Variants in ZFYVE26 observed in about 807,000 individuals in gnomAD.
ZFYVE26 encodes zinc finger FYVE-type containing 26.
Under a neutral mutation model 276.5 loss-of-function variants are expected in ZFYVE26, and 181 were observed. The ratio of observed to expected loss-of-function variants is 0.65; its 90% confidence interval spans 0.58 to 0.74. ZFYVE26 has a LOEUF of 0.74. Among genes scored for constraint, ZFYVE26 ranks in the 30% least tolerant of loss-of-function variants. ZFYVE26 has a pLI of 0.00. For missense variants in ZFYVE26, 2,821 were observed against 3,097.9 expected, an observed-to-expected ratio of 0.91 and a Z score of 2.12; for synonymous variants, 1,129 against 1,203.1, an observed-to-expected ratio of 0.94 and a Z score of 1.27.
rs116802390 is a variant in ZFYVE26, at chr14:67,729,338, C to G, written n.3161G>C. ...GGGGCGCAGACCAGCCTGCACTGCG[C>G]CCTGGCTGAGGGCCTGGAGCCCCTG... is the stretch of plus-strand genomic sequence containing the variant. On this transcript the variant is annotated non_coding_transcript_exon_variant, in exon 14 of 15. Transcript: ENST00000394455. The G allele has an allele frequency of 3.1e-5, 49 of 1,598,444 alleles. No homozygotes were observed. In the East Asian group the frequency reaches 1.0e-3, roughly 34 times the overall value.
intron 17 of ZFYVE26, 40 bp downstream of exon 17, chr14:67,786,074 T>C: frequency 6.2e-7 from 1 of 1,614,188 alleles, no homozygotes; most frequent in Non-Finnish European, 8.5e-7. Context: ...TGACCTAATG[T>C]TCCAAGTCCA....
rs759045113 is a variant in ZFYVE26, at chr14:67,798,643, G to C, written c.1640-21C>G. On this transcript the variant is annotated intron_variant, in intron 10 of 41. Coordinates refer to ENST00000347230, the MANE Select transcript of ZFYVE26 (RefSeq NM_015346.4). ...AGCACCTACAAAAACATGTACAAGA[G>C]AAGAGGCCAGAGAAAGAGAAGACAG... 3.1e-6 allele frequency: 5 copies of C among 1,613,406 alleles called. No individual in the cohort carries two copies. The East Asian group carries it at 1.1e-4, about 36-fold the overall frequency.
chr14:67,776,425 C>T (rs2039345690), intron 25 of ZFYVE26, among the ~76,000 whole-genome samples: 1 of 152,218 alleles, frequency 6.6e-6, no homozygotes, highest in Admixed American at 6.5e-5. Context: ...ACCTTGAAAG[C>T]AGCCATAGGT....
At chr14:67,763,929 G>A (rs1314317090) in intron 32 of ZFYVE26, among the ~76,000 whole-genome samples, 1 of 152,078 alleles carries the variant, frequency 6.6e-6, no homozygotes. Flanking sequence ...AGTATCAATG[G>A]CCTGTATTCC....
In ZFYVE26 at chr14:67,747,932, T is replaced by C. The variant is rs763229903; in HGVS notation, c.*504A>G. 1.3e-4 allele frequency: 21 copies of C among 160,384 alleles called. No individual in the cohort carries two copies. The highest frequency in any genetic ancestry group is 2.9e-4 in the Non-Finnish European group (21 of 72,590). The allele number at this position is 160,384 out of a possible 1,614,324, so 9.9% of individuals were successfully genotyped here. A position where few individuals can be genotyped will look rare whatever the true frequency, so the allele number is the denominator to read the frequency against. On this transcript the variant is annotated 3_prime_UTR_variant, in exon 42 of 42. Transcript: ENST00000347230. ...GAAGGAAGGAAAAGAGGCAATCCTTTTGGTGTTGCTCTAATTCTCTGTAAA... is the reference window on the plus strand; with the variant it reads ...GAAGGAAGGAAAAGAGGCAATCCTTCTGGTGTTGCTCTAATTCTCTGTAAA...
rs780878664 is a variant in ZFYVE26, at chr14:67,748,641, TG to T, written c.7417-3del. 3 of 1,613,830 alleles carry T rather than the reference TG, an allele frequency of 1.9e-6. No homozygotes were observed. ...GCAACATATCAGGTAGGCCCGAACC[TG>T]GCAGTCAGTTATAAGAGACAGCGGA... On this transcript the variant is annotated splice_region_variant and splice_polypyrimidine_tract_variant and intron_variant, in intron 41 of 41. Coordinates refer to ENST00000347230, the MANE Select transcript of ZFYVE26 (RefSeq NM_015346.4).
intron 13 of ZFYVE26, among the ~76,000 whole-genome samples, chr14:67,741,354 T>C (rs148235221): frequency 1.3e-5 from 2 of 152,312 alleles, no homozygotes; most frequent in Non-Finnish European, 2.9e-5. Context: ...ATAAGGCTTT[T>C]AAAGTGGCTG....
chr14:67,812,755 A>G (rs924825985), intron 3 of ZFYVE26, among the ~76,000 whole-genome samples: 3 of 152,232 alleles, frequency 2.0e-5, no homozygotes, highest in Admixed American at 6.5e-5. Flanking sequence ...GTCTCTACTG[A>G]GGGGAAAGTT....
intron 26 of ZFYVE26, 149 bp from the exon 27 acceptor site, chr14:67,775,263 T>A: frequency 1.7e-6 from 1 of 586,492 alleles, no homozygotes. Flanking sequence ...GAGGTACCTC[T>A]AAGCCCATAG....
In ZFYVE26 at chr14:67,754,188, C is replaced by A; in HGVS notation, c.7011G>T (p.Gln2337His). The change falls in exon 38 of 42, where the codon CAG (glutamine) becomes CAT (histidine). Residue 2337 changes from glutamine to histidine, a missense_variant. By Grantham distance (24) the Gln-to-His change is conservative (BLOSUM62 0). Transcript: ENST00000347230. Reference sequence around the variant, plus strand: ...GATGCAAGAACCTGGTCACTTCCATCTGCAGCTGAAGTGTGTTCATGTGCC... The same window carrying A: ...GATGCAAGAACCTGGTCACTTCCATATGCAGCTGAAGTGTGTTCATGTGCC... ...VSRHMNTLQL[Q>H]MEVTRFLHRC... The A allele has an allele frequency of 2.5e-6, 4 of 1,614,274 alleles. No individual in the cohort carries two copies. Among genetic ancestry groups the A allele is most frequent in the Non-Finnish European group, 3.4e-6 (4 of 1,180,056 alleles).
Position 67,798,263 on chromosome 14 carries a change from C to G in ZFYVE26, c.1999G>C (p.Asp667His). 6.2e-7 allele frequency: 1 copy of G among 1,614,150 alleles called. No individual in the cohort carries two copies. The highest frequency in any genetic ancestry group is 8.5e-7 in the Non-Finnish European group (1 of 1,180,032). ...ATACCACTAGTAAAGTGTTTTAAGT[C>G]CAAAAAGCTGTGCCTATGAGGCCCT... is the stretch of plus-strand genomic sequence containing the variant. ...YPGPHRHSFLDLKHFTSGISG... is the reference protein window; with the variant it reads ...YPGPHRHSFLHLKHFTSGISG... Residue 667 changes from aspartate (D) to histidine (H), a missense_variant, in exon 11 of 42, where the codon GAC (aspartate) becomes CAC (histidine). By Grantham distance (81) the Asp-to-His change is moderately conservative. Transcript: ENST00000347230.
intron 4 of ZFYVE26, among the ~76,000 whole-genome samples, chr14:67,808,139 T>C (rs1442522655): frequency 6.6e-6 from 1 of 152,216 alleles, no homozygotes; most frequent in Non-Finnish European, 1.5e-5. Flanking sequence ...ACACTACTAT[T>C]ACTCCTATTT....
intron 36 of ZFYVE26, 126 bp from the exon 37 acceptor site, chr14:67,755,376 CT>C: frequency 9.0e-7 from 1 of 1,107,378 alleles, no homozygotes; most frequent in Non-Finnish European, 1.3e-6. Flanking sequence ...CCACCACCAG[CT>C]GAACTGCTAT....
In ZFYVE26 at chr14:67,755,771, G is replaced by C. The variant is rs79732557; in HGVS notation, c.6786+177C>G. On this transcript the variant is annotated intron_variant, in intron 36 of 41. Transcript: ENST00000347230. Reference sequence around the variant, plus strand: ...GGATTAAAGTCTGCCCCCAAACTTAGGATGGAAATCCTAATATTATTTAAC... The same window carrying C: ...GGATTAAAGTCTGCCCCCAAACTTACGATGGAAATCCTAATATTATTTAAC... Among the ~76,000 whole-genome samples, 593 of 152,206 alleles carry C rather than the reference G, an allele frequency of 3.9e-3. 12 individuals carry two copies. The highest frequency in any genetic ancestry group is 0.035 in the East Asian group (184 of 5,186).
rs537848321 is a variant in ZFYVE26, at chr14:67,811,326, T to C, written c.274-2037A>G. On this transcript the variant is annotated intron_variant, in intron 3 of 41. Transcript: ENST00000347230. ...TATCTTCCTAAAATAGGCAAGAATT[T>C]GCTCAGCATTTCTAAGCAAGGATGT... 2.0e-5 allele frequency among the ~76,000 whole-genome samples: 3 copies of C among 152,340 alleles called. No homozygotes were observed. The South Asian group carries it at 6.2e-4, about 32-fold the overall frequency.
intron 13 of ZFYVE26, chr14:67,735,106 C>A (rs2038336346): frequency 3.9e-6 from 3 of 773,572 alleles, no homozygotes; most frequent in African/African-American, 1.7e-5. Flanking sequence ...GCAAAGAATG[C>A]AAAAGAAAAC....
At chr14:67,791,886 C>T (rs887553915) in intron 14 of ZFYVE26, among the ~76,000 whole-genome samples, 1 of 151,100 alleles carries the variant, frequency 6.6e-6, no homozygotes. Context: ...ATGGTGAAAC[C>T]CCGTCTCTAT....
chr14:67,790,844 T>C, intron 14 of ZFYVE26, 71 bp from the exon 15 acceptor site: 1 of 1,428,492 alleles, frequency 7.0e-7, no homozygotes, highest in Non-Finnish European at 9.9e-7. Flanking sequence ...GGATAGGAGA[T>C]CTTGCCAACC....
intron 13 of ZFYVE26, chr14:67,733,690 A>G: frequency 8.4e-7 from 1 of 1,186,368 alleles, no homozygotes. Flanking sequence ...GACCATAAAG[A>G]TTTCCAGACT....
Sources: gnomAD v4.1 joint callset for allele counts (sites outside exome capture counted in the v4.1 genomes callset) on GRCh38, gnomAD v4.1.1 for gene constraint, MANE v1.5 for transcripts, NCBI Gene and HGNC (gene_info 2026-07-23, HGNC 2026-07-21) for gene names.